The following CNTNAP3B variants were observed in gnomAD, a reference collection of about 807,000 sequenced individuals.
CNTNAP3B encodes contactin associated protein family member 3B.
In CNTNAP3B, 25 loss-of-function variants were observed where a neutral mutation model predicts 108.9. The observed-to-expected ratio is 0.23, with a 90% CI of 0.17 to 0.32. The LOEUF is 0.32. Ranked by LOEUF, CNTNAP3B falls within the 10% of genes least tolerant of loss-of-function variation. The pLI is 1.00. For missense variants in CNTNAP3B, 252 were observed against 1,210.4 expected (o/e 0.21, Z 11.75); for synonymous variants, 103 against 473.4 (o/e 0.22, Z 10.16).
At position 41,996,309 on chromosome 9, in the gene CNTNAP3B, C is replaced by T. The variant is rs763899465; in HGVS notation, c.967G>A (p.Ala323Thr). ...GGILSPGRSR[A>T]FTRKSFHGCL... ...CCATGAAAGCTTTTACGTGTGAATG[C>T]CCGTGATCTTCCGGGTGACAGAATT... The change falls in exon 7 of 24, where the codon GCA becomes ACA. Residue 323 changes from alanine (A) to threonine (T), a missense_variant. Coordinates refer to ENST00000377561, the MANE Select transcript of CNTNAP3B (RefSeq NM_001201380.3). 1.9e-6 allele frequency: 3 copies of T among 1,541,732 alleles called. No homozygotes were observed. Among genetic ancestry groups the T allele is most frequent in the Admixed American group, 3.5e-5 (2 of 56,510 alleles).
rs553550603 is a variant in CNTNAP3B, at chr9:42,112,094, G to A, written c.86-7355C>T. Among the ~76,000 whole-genome samples, 7 of 139,424 alleles carry A rather than the reference G, an allele frequency of 5.0e-5. 1 individual carries two copies. The highest frequency in any genetic ancestry group is 4.4e-4 in the East Asian group (2 of 4,584). The allele number at this position is 139,424 out of a possible 152,430, so 91.5% of individuals were successfully genotyped here. A position where few individuals can be genotyped will look rare whatever the true frequency, so the allele number is the denominator to read the frequency against. On this transcript the variant is annotated intron_variant, in intron 1 of 23. Coordinates refer to ENST00000377561, the MANE Select transcript of CNTNAP3B (RefSeq NM_001201380.3). ...AATCCCCTACACATTTCTCAGATGC[G>A]CTTCCTCCTTTAATTGGAGTGGTCT...
At chr9:41,940,531 C>A (rs1162502020) in intron 13 of CNTNAP3B, among the ~76,000 whole-genome samples, 8,579 of 143,078 alleles carry the variant, frequency 0.06, 23 homozygotes, top group Middle Eastern at 0.12. Context: ...GAAATAAAAT[C>A]TTTTTAGGCC....
At chr9:42,030,816 G>GAC (rs1826510853) in intron 3 of CNTNAP3B, among the ~76,000 whole-genome samples, 3 of 109,680 alleles carry the variant, frequency 2.7e-5, no homozygotes, top group Non-Finnish European at 3.7e-5. Context: ...AGAGAGAGGA[G>GAC]AGAGAGAGAG....
intron 3 of CNTNAP3B, among the ~76,000 whole-genome samples, chr9:42,070,807 TA>T (rs1309138776): frequency 6.6e-6 from 1 of 152,064 alleles, no homozygotes. Flanking sequence ...GCCCGGAAAA[TA>T]AAGATAACAA....
chr9:42,055,859 T>A (rs1250099046), intron 3 of CNTNAP3B, among the ~76,000 whole-genome samples: 1 of 105,256 alleles, frequency 9.5e-6, no homozygotes, highest in African/African-American at 4.0e-5. Flanking sequence ...GCCACTTGGG[T>A]TCAAATTATT....
intron 3 of CNTNAP3B, among the ~76,000 whole-genome samples, chr9:42,020,591 G>A (rs1826294566): frequency 6.7e-6 from 1 of 148,444 alleles, no homozygotes; most frequent in Admixed American, 6.7e-5. Flanking sequence ...GGACATGATA[G>A]GCATTGTTGC....
intron 13 of CNTNAP3B, among the ~76,000 whole-genome samples, chr9:41,952,340 C>G (rs1436039704): frequency 6.6e-6 from 1 of 152,198 alleles, no homozygotes; most frequent in Non-Finnish European, 1.5e-5. Flanking sequence ...GAAGCAATCA[C>G]AGCTCACTGC....
chr9:42,063,946 C>T (rs1827219605), intron 3 of CNTNAP3B, among the ~76,000 whole-genome samples: 1 of 148,158 alleles, frequency 6.7e-6, no homozygotes, highest in African/African-American at 2.6e-5. Context: ...TTTCAGTGTC[C>T]ATACTTTTAA....
At chr9:41,966,224 T>A (rs972472558) in intron 10 of CNTNAP3B, among the ~76,000 whole-genome samples, 1 of 152,286 alleles carries the variant, frequency 6.6e-6, no homozygotes, top group African/African-American at 2.4e-5. Context: ...TAATGGAGCA[T>A]CTTAAGATCA....
At chr9:41,970,714 T>A (rs920586608) in intron 9 of CNTNAP3B, among the ~76,000 whole-genome samples, 1 of 113,328 alleles carries the variant, frequency 8.8e-6, no homozygotes, top group East Asian at 2.9e-4. Flanking sequence ...TAAAATATGT[T>A]AAATATCTAC....
rs1307333341 is a variant in CNTNAP3B at position 42,112,115 on chromosome 9, G to T, written c.86-7376C>A. 3.6e-5 allele frequency among the ~76,000 whole-genome samples: 5 copies of T among 139,546 alleles called. 1 individual carries two copies. Among genetic ancestry groups the T allele is most frequent in the Non-Finnish European group, 7.7e-5 (5 of 64,972 alleles). The allele number at this position is 139,546 out of a possible 152,430, so 91.5% of individuals were successfully genotyped here. On this transcript the variant is annotated intron_variant, in intron 1 of 23. Transcript: ENST00000377561. ...ATGCGCTTCCTCCTTTAATTGGAGT[G>T]GTCTTCTCACTGTTTCCTGAATGTG...
In CNTNAP3B at chr9:42,034,078, C is replaced by T. The variant is rs1250432445; in HGVS notation, c.391-20553G>A. On this transcript the variant is annotated intron_variant, in intron 3 of 23. Transcript: ENST00000377561. ...TACTGATCTTATTATTTGTTAGAAA[C>T]GTAACCATAAACAGCTGGCCTGCAT... Among the ~76,000 whole-genome samples, 17 of 103,008 alleles carry T rather than the reference C, an allele frequency of 1.7e-4. 4 individuals are homozygous for T. The highest frequency in any genetic ancestry group is 4.6e-3 in the Middle Eastern group (1 of 216). The allele number at this position is 103,008 out of a possible 152,430, so 67.6% of individuals were successfully genotyped here.
At chr9:41,943,083 T>C (rs1297810280) in intron 13 of CNTNAP3B, among the ~76,000 whole-genome samples, 1 of 152,296 alleles carries the variant, frequency 6.6e-6, no homozygotes, top group Non-Finnish European at 1.5e-5. Flanking sequence ...TGCTAAGGGC[T>C]CTATGTTGAA....
At chr9:41,944,622 G>A (rs1355824453) in intron 13 of CNTNAP3B, among the ~76,000 whole-genome samples, 1 of 151,778 alleles carries the variant, frequency 6.6e-6, no homozygotes, top group South Asian at 2.1e-4. Flanking sequence ...GGGGAATTCA[G>A]GAAAAAAAGA....
chr9:42,030,785 A>AGAGAGAGAGAGAGAGAGAGAGAGG (rs1564177840), intron 3 of CNTNAP3B, among the ~76,000 whole-genome samples: 2 of 42,818 alleles, frequency 4.7e-5, no homozygotes, highest in Non-Finnish European at 4.8e-5. Flanking sequence ...AGAGAGAGAG[A>AGAGAGAGAGAGAGAGAGAGAGAGG]TGTGTGCGAG....
chr9:41,954,546 A>T (rs1464214054), intron 12 of CNTNAP3B, among the ~76,000 whole-genome samples: 1 of 152,300 alleles, frequency 6.6e-6, no homozygotes, highest in Non-Finnish European at 1.5e-5. Flanking sequence ...AAATTTAAAT[A>T]ACGAATGCAA....
intron 3 of CNTNAP3B, among the ~76,000 whole-genome samples, chr9:42,044,348 G>A (rs943931929): frequency 6.6e-6 from 1 of 150,890 alleles, no homozygotes; most frequent in Non-Finnish European, 1.5e-5. Context: ...AGGGATTTGG[G>A]GACTACTGCA....
intron 15 of CNTNAP3B, among the ~76,000 whole-genome samples, chr9:41,925,467 C>A (rs1349292581): frequency 6.6e-6 from 1 of 152,142 alleles, no homozygotes; most frequent in Non-Finnish European, 1.5e-5. Flanking sequence ...GTGGTGGGTG[C>A]CTGTAGTCCC....
At chr9:41,950,169 C>T (rs1456849386) in intron 13 of CNTNAP3B, among the ~76,000 whole-genome samples, 2 of 97,112 alleles carry the variant, frequency 2.1e-5, no homozygotes, top group Non-Finnish European at 2.2e-5. Flanking sequence ...ATCAGGGAGA[C>T]ACAAATTAAA....
Sources: allele counts gnomAD v4.1 joint callset (sites outside exome capture counted in the v4.1 genomes callset), GRCh38; gene constraint gnomAD v4.1.1; transcripts MANE v1.5; gene names NCBI Gene and HGNC (gene_info 2026-07-23, HGNC 2026-07-21).